Variants in SLC4A10 observed in about 807,000 individuals in gnomAD.
SLC4A10 encodes the protein solute carrier family 4 member 10, also known as sodium-driven chloride bicarbonate exchanger.
SLC4A10 carries 42 observed loss-of-function variants against 137.7 expected under a neutral mutation model. The observed-to-expected ratio is 0.30, with a 90% CI of 0.24 to 0.39. SLC4A10 has a LOEUF of 0.39. SLC4A10 is among the 10% of genes least tolerant of loss of function. The probability of loss-of-function intolerance (pLI) is 1.00; values close to 1 mark genes in which losing one functional copy is unlikely to be tolerated. For missense variants in SLC4A10, 925 were observed against 1,355.0 expected, an observed-to-expected ratio of 0.68 and a Z score of 4.98; for synonymous variants, 474 against 464.1, an observed-to-expected ratio of 1.02 and a Z score of -0.27.
At chr2:161,823,329 C>A (rs1018823863) in intron 3 of SLC4A10, among the ~76,000 whole-genome samples, 8 of 152,186 alleles carry the variant, frequency 5.3e-5, no homozygotes, top group African/African-American at 1.9e-4. Flanking sequence ...AATGTTGTAG[C>A]CACTTGCTGT....
chr2:161,674,330 TGCATTTA>T (rs1370480601), intron 1 of SLC4A10, among the ~76,000 whole-genome samples: 1 of 152,228 alleles, frequency 6.6e-6, no homozygotes, highest in Non-Finnish European at 1.5e-5. Context: ...GCATTGGTAT[TGCATTTA>T]ATATTTAATT....
intron 1 of SLC4A10, among the ~76,000 whole-genome samples, chr2:161,731,536 TA>T (rs1209146855): frequency 6.6e-6 from 1 of 152,194 alleles, no homozygotes; most frequent in African/African-American, 2.4e-5. Flanking sequence ...ATTTGACTTT[TA>T]AATTTACAGA....
intron 23 of SLC4A10, among the ~76,000 whole-genome samples, chr2:161,970,353 A>C (rs1698313133): frequency 6.6e-6 from 1 of 152,186 alleles, no homozygotes; most frequent in South Asian, 2.1e-4. Flanking sequence ...TGGAAATCAT[A>C]AGTAATACCT....
At chr2:161,785,570 A>G (rs896710965) in intron 2 of SLC4A10, among the ~76,000 whole-genome samples, 15 of 151,866 alleles carry the variant, frequency 9.9e-5, no homozygotes, top group Admixed American at 3.3e-4. Context: ...GGTTCATTAT[A>G]TACAAATCAA....
chr2:161,642,818 A>G (rs2035500662), intron 1 of SLC4A10, among the ~76,000 whole-genome samples: 1 of 152,004 alleles, frequency 6.6e-6, no homozygotes, highest in African/African-American at 2.4e-5. Flanking sequence ...AGTACAAATA[A>G]ATAAGACTTA....
intron 2 of SLC4A10, among the ~76,000 whole-genome samples, chr2:161,782,362 T>A (rs1344172949): frequency 6.6e-6 from 1 of 151,982 alleles, no homozygotes; most frequent in East Asian, 1.9e-4. Context: ...TTCCTGGACT[T>A]ATTGGTGGGG....
At chr2:161,716,556 A>C (rs549778739) in intron 1 of SLC4A10, among the ~76,000 whole-genome samples, 1 of 152,276 alleles carries the variant, frequency 6.6e-6, no homozygotes, top group African/African-American at 2.4e-5. Context: ...TATTTATTAA[A>C]TAGGGAATCC....
chr2:161,793,672 T>C (rs2054453745), intron 2 of SLC4A10, among the ~76,000 whole-genome samples: 1 of 152,148 alleles, frequency 6.6e-6, no homozygotes, highest in Non-Finnish European at 1.5e-5. Flanking sequence ...ATGATTGAAA[T>C]CATTATTAGC....
chr2:161,733,315 G>A (rs772033046), intron 1 of SLC4A10, among the ~76,000 whole-genome samples: 46 of 152,144 alleles, frequency 3.0e-4, no homozygotes, highest in Admixed American at 1.4e-3. Context: ...CATGCCCTGC[G>A]TTCCAGCCAC....
intron 1 of SLC4A10, among the ~76,000 whole-genome samples, chr2:161,719,648 A>G (rs2045391676): frequency 6.6e-6 from 1 of 152,162 alleles, no homozygotes; most frequent in Admixed American, 6.5e-5. Flanking sequence ...TTCTCTGATG[A>G]CCAGTGATGA....
intron 1 of SLC4A10, among the ~76,000 whole-genome samples, chr2:161,633,483 A>G (rs1238528546): frequency 6.6e-6 from 1 of 151,652 alleles, no homozygotes; most frequent in African/African-American, 2.4e-5. Flanking sequence ...AGGTGTGTCA[A>G]TTTTGGCAAG....
At chr2:161,748,688 A>G (rs1404579242) in intron 1 of SLC4A10, among the ~76,000 whole-genome samples, 2 of 152,048 alleles carry the variant, frequency 1.3e-5, no homozygotes, top group African/African-American at 2.4e-5. Flanking sequence ...GTAGTTTTGT[A>G]ATATAACTTA....
chr2:161,637,102 C>G lies in SLC4A10; in HGVS notation c.48+12536C>G, dbSNP rs377600478. ...ATACGTATATACATATACGTATATA[C>G]GTATTTATGTATATATATCTATATA... On this transcript the variant is annotated intron_variant, in intron 1 of 26. Transcript: ENST00000446997. 6.5e-5 allele frequency among the ~76,000 whole-genome samples: 8 copies of G among 122,314 alleles called. 1 individual carries two copies. The East Asian group carries it at 8.1e-4, about 12-fold the overall frequency. The allele number at this position is 122,314 out of a possible 152,430, so 80.2% of individuals were successfully genotyped here.
chr2:161,663,754 T>A (rs528839014), intron 1 of SLC4A10, among the ~76,000 whole-genome samples: 1 of 152,160 alleles, frequency 6.6e-6, no homozygotes, highest in East Asian at 1.9e-4. Context: ...TAAAATTTAT[T>A]TTATCTGCAC....
intron 1 of SLC4A10, among the ~76,000 whole-genome samples, chr2:161,627,811 A>G (rs1054547345): frequency 2.0e-5 from 3 of 152,122 alleles, no homozygotes; most frequent in Non-Finnish European, 4.4e-5. Flanking sequence ...AAAGTGTGTC[A>G]GAAAGATGTG....
At chr2:161,699,653 G>A (rs551211240) in intron 1 of SLC4A10, among the ~76,000 whole-genome samples, 5 of 152,256 alleles carry the variant, frequency 3.3e-5, no homozygotes, top group Admixed American at 6.5e-5. Flanking sequence ...AAGTGAAAAT[G>A]TTTCAGAGTA....
intron 11 of SLC4A10, among the ~76,000 whole-genome samples, chr2:161,899,818 CTCTTT>C (rs1368192862): frequency 1.3e-5 from 2 of 152,056 alleles, no homozygotes; most frequent in African/African-American, 4.8e-5. Context: ...ACAGATGCTT[CTCTTT>C]TATCTTTGAA....
At chr2:161,944,864 A>G (rs1253467333) in intron 16 of SLC4A10, among the ~76,000 whole-genome samples, 7 of 151,718 alleles carry the variant, frequency 4.6e-5, no homozygotes, top group Non-Finnish European at 1.0e-4. Flanking sequence ...AAAATATTTT[A>G]TTAATAAAGC....
intron 10 of SLC4A10, among the ~76,000 whole-genome samples, chr2:161,889,973 T>C (rs934783267): frequency 2.0e-5 from 3 of 152,202 alleles, no homozygotes; most frequent in Non-Finnish European, 4.4e-5. Context: ...GTCCCAGAGA[T>C]TCTGGTATGT....
Sources: gnomAD v4.1 joint callset for allele counts (sites outside exome capture counted in the v4.1 genomes callset) on GRCh38, gnomAD v4.1.1 for gene constraint, MANE v1.5 for transcripts, NCBI Gene and HGNC (gene_info 2026-07-23, HGNC 2026-07-21) for gene names.